SERBP1: variants seen among roughly 807,000 people sequenced by gnomAD.
SERBP1 encodes SERPINE1 mRNA binding protein 1.
A neutral mutation model predicts 50.2 loss-of-function variants in SERBP1; 6 were observed. That is an observed-to-expected ratio of 0.12 (90% CI 0.07 to 0.24). The LOEUF (loss-of-function observed/expected upper bound fraction) is 0.24. Ranked by LOEUF, SERBP1 falls within the 10% of genes least tolerant of loss-of-function variation. The pLI, the probability that SERBP1 is intolerant of heterozygous loss-of-function variation, is 1.00. For missense variants in SERBP1, 346 were observed against 524.9 expected, an observed-to-expected ratio of 0.66 and a Z score of 3.33; for synonymous variants, 168 against 182.8, an observed-to-expected ratio of 0.92 and a Z score of 0.65.
At chr1:67,413,373 GCA>G (rs1666900686) in intron 7 of SERBP1, 110 bp from the exon 8 acceptor site, 2 of 992,494 alleles carry the variant, frequency 2.0e-6, no homozygotes, top group Admixed American at 7.0e-5. Context: ...TGTTGGCCAG[GCA>G]CAGTGGCTCA....
At chr1:67,421,867 C>T (rs547142827) in intron 5 of SERBP1, among the ~76,000 whole-genome samples, 1 of 152,084 alleles carries the variant, frequency 6.6e-6, no homozygotes, top group East Asian at 1.9e-4. Flanking sequence ...GCAGGAGAAT[C>T]GCTTGAACTT....
chr1:67,430,374 C>T lies in SERBP1; in HGVS notation c.-74G>A. On this transcript the variant is annotated 5_prime_UTR_variant, in exon 1 of 8. Coordinates refer to ENST00000361219, the MANE Select transcript of SERBP1 (RefSeq NM_001018069.2). ...CGAGCCAAGAGCGCCTGCTTCAGCT[C>T]TTCCCACAAGATGGCCGGGCCGAGA... 6.9e-7 allele frequency: 1 copy of T among 1,442,148 alleles called. No homozygotes were observed. The highest frequency in any genetic ancestry group is 9.3e-7 in the Non-Finnish European group (1 of 1,079,132). 89.3% of individuals were successfully genotyped at this position (1,442,148 alleles called of 1,614,324 possible).
Position 67,411,535 on chromosome 1 carries a change from G to A in SERBP1, c.*1672C>T, listed in dbSNP as rs2100404441. 1 of 152,218 alleles carries A rather than the reference G, an allele frequency of 6.6e-6. No homozygotes were observed. Among genetic ancestry groups the A allele is most frequent in the African/African-American group, 2.4e-5 (1 of 41,564 alleles). 9.4% of individuals were successfully genotyped at this position (152,218 alleles called of 1,614,324 possible). ...GTGCAGAACATGCTCAGCATCATAA[G>A]ATCCAAAACACCAGCACAAGTTTAT... On this transcript the variant is annotated 3_prime_UTR_variant, in exon 8 of 8. Coordinates refer to ENST00000361219, the MANE Select transcript of SERBP1 (RefSeq NM_001018069.2).
At chr1:67,419,908 T>C in intron 6 of SERBP1, 101 bp downstream of exon 6, 1 of 1,022,196 alleles carries the variant, frequency 9.8e-7, no homozygotes, top group South Asian at 1.5e-5. Context: ...TATGTAAAGC[T>C]TTAACAGACA....
At chr1:67,422,253 C>T (rs1432359981) in intron 5 of SERBP1, among the ~76,000 whole-genome samples, 1 of 152,166 alleles carries the variant, frequency 6.6e-6, no homozygotes, top group African/African-American at 2.4e-5. Flanking sequence ...GCAGCTCACG[C>T]CTGTAATCCC....
At chr1:67,416,833 C>T (rs1667026811) in intron 6 of SERBP1, among the ~76,000 whole-genome samples, 1 of 152,120 alleles carries the variant, frequency 6.6e-6, no homozygotes, top group Non-Finnish European at 1.5e-5. Context: ...CACAAAACAC[C>T]AGCAAATTAG....
chr1:67,426,070 G>C, intron 2 of SERBP1, 65 bp downstream of exon 2: 1 of 1,398,338 alleles, frequency 7.2e-7, no homozygotes, highest in East Asian at 2.4e-5. Context: ...AGCCAAGCTT[G>C]TACCACTGCA....
At position 67,414,743 on chromosome 1, in the gene SERBP1, GTTA is replaced by G. The variant is rs1666948880; in HGVS notation, c.1125+420_1125+422del. ...GAGGAATTATACAAGGAACACAATG[GTTA>G]TTAAGTGGAGACCTAAAAAGCAGTT... On this transcript the variant is annotated intron_variant, in intron 7 of 7. Transcript: ENST00000361219. Among the ~76,000 whole-genome samples the G allele has an allele frequency of 2.6e-5, 4 of 152,140 alleles. No individual in the cohort carries two copies. In the South Asian group the frequency reaches 8.3e-4, roughly 32 times the overall value.
Position 67,408,760 on chromosome 1 carries a change from A to G in SERBP1, c.*4447T>C, listed in dbSNP as rs1349248275. On this transcript the variant is annotated 3_prime_UTR_variant, in exon 8 of 8. Coordinates refer to ENST00000361219, the MANE Select transcript of SERBP1 (RefSeq NM_001018069.2). ...AATACTAATCATGGTATTTTTTAAC[A>G]GATTATACACCCCTTAACAGCTTTC... The G allele has an allele frequency of 6.6e-6, 1 of 152,172 alleles. No homozygotes were observed. Among genetic ancestry groups the G allele is most frequent in the Non-Finnish European group, 1.5e-5 (1 of 68,030 alleles). 9.4% of individuals were successfully genotyped at this position (152,172 alleles called of 1,614,324 possible). A position where few individuals can be genotyped will look rare whatever the true frequency, so the allele number is the denominator to read the frequency against.
chr1:67,420,822 AAC>A (rs1667176587), intron 5 of SERBP1, among the ~76,000 whole-genome samples: 1 of 152,228 alleles, frequency 6.6e-6, no homozygotes, highest in South Asian at 2.1e-4. Flanking sequence ...ACTATCCACA[AAC>A]ACACACTGGT....
intron 5 of SERBP1, 66 bp from the exon 6 acceptor site, chr1:67,420,252 TTA>T (rs1478565641): frequency 1.1e-5 from 14 of 1,261,838 alleles, no homozygotes; most frequent in Non-Finnish European, 1.5e-5. Flanking sequence ...TATTTTAAAT[TTA>T]TGATTTTAAT....
In SERBP1 at chr1:67,408,628, C is replaced by T. The variant is rs1180281279; in HGVS notation, c.*4579G>A. The T allele has an allele frequency of 6.7e-6, 1 of 150,236 alleles. No individual in the cohort carries two copies. The highest frequency in any genetic ancestry group is 6.6e-5 in the Admixed American group (1 of 15,120). 9.3% of individuals were successfully genotyped at this position (150,236 alleles called of 1,614,324 possible). On this transcript the variant is annotated 3_prime_UTR_variant, in exon 8 of 8. Coordinates refer to ENST00000361219, the MANE Select transcript of SERBP1 (RefSeq NM_001018069.2). ...GCCATTAATTTCTGCCCCAGCTCAACCTATGGAATTTACCTATATGAAGTG... is the reference window on the plus strand; with the variant it reads ...GCCATTAATTTCTGCCCCAGCTCAATCTATGGAATTTACCTATATGAAGTG...
chr1:67,424,838 G>C, intron 4 of SERBP1, 50 bp downstream of exon 4: 1 of 1,369,870 alleles, frequency 7.3e-7, no homozygotes, highest in Non-Finnish European at 1.0e-6. Flanking sequence ...CAGAGGTATG[G>C]ATTAACCTCT....
intron 5 of SERBP1, among the ~76,000 whole-genome samples, chr1:67,422,642 C>T (rs2100431671): frequency 6.6e-6 from 1 of 151,558 alleles, no homozygotes; most frequent in East Asian, 1.9e-4. Context: ...AACCACAATA[C>T]TGTAACAAAT....
At chr1:67,419,550 A>G (rs1667137747) in intron 6 of SERBP1, among the ~76,000 whole-genome samples, 1 of 152,224 alleles carries the variant, frequency 6.6e-6, no homozygotes, top group Non-Finnish European at 1.5e-5. Context: ...TGGCCATTAT[A>G]TATGGTATAG....
At chr1:67,424,006 G>C (rs955263077) in intron 5 of SERBP1, among the ~76,000 whole-genome samples, 194 bp downstream of exon 5, 1 of 152,124 alleles carries the variant, frequency 6.6e-6, no homozygotes, top group Admixed American at 6.5e-5. Flanking sequence ...AATATAGTGA[G>C]ACCCTGTCTC....
chr1:67,416,928 G>A (rs942616382), intron 6 of SERBP1, among the ~76,000 whole-genome samples: 15 of 152,076 alleles, frequency 9.9e-5, no homozygotes, highest in African/African-American at 3.1e-4. Context: ...ACCACAGATC[G>A]AAAATATTCA....
Position 67,414,622 on chromosome 1 carries a change from T to C in SERBP1, c.1125+544A>G, listed in dbSNP as rs79932005. 8.2e-3 allele frequency among the ~76,000 whole-genome samples: 1,242 copies of C among 152,278 alleles called. 22 individuals are homozygous for C. The highest frequency in any genetic ancestry group is 0.029 in the African/African-American group (1,194 of 41,544). On this transcript the variant is annotated intron_variant, in intron 7 of 7. Transcript: ENST00000361219. ...TTTGTGCCACATACTGTTCAAGGCA[T>C]TGGAGAGATTATAGAAAGTAAGCCA...
intron 2 of SERBP1, among the ~76,000 whole-genome samples, 173 bp from the exon 3 acceptor site, chr1:67,425,396 C>G (rs1163435290): frequency 6.6e-6 from 1 of 152,152 alleles, no homozygotes; most frequent in Non-Finnish European, 1.5e-5. Flanking sequence ...GAAACCAGAA[C>G]AAGACAGCCT....
Sources: allele counts gnomAD v4.1 joint callset (sites outside exome capture counted in the v4.1 genomes callset), GRCh38; gene constraint gnomAD v4.1.1; transcripts MANE v1.5; gene names NCBI Gene and HGNC (gene_info 2026-07-23, HGNC 2026-07-21).